Variants in IGSF10 observed in about 807,000 individuals in gnomAD.
IGSF10 encodes calvaria mechanical force protein 608.
Under a neutral mutation model 128.2 loss-of-function variants are expected in IGSF10, and 126 were observed. The ratio of observed to expected loss-of-function variants is 0.98; its 90% CI spans 0.85 to 1.14. The LOEUF (loss-of-function observed/expected upper bound fraction) is 1.14. IGSF10 is among the 50% of genes most tolerant of loss of function. The pLI, the probability that IGSF10 is intolerant of heterozygous loss-of-function variation, is 0.00. For synonymous variants in IGSF10, 1,185 were observed against 1,146.2 expected, an observed-to-expected ratio of 1.03 and a Z score of -0.68; for missense variants, 3,295 against 3,149.8, an observed-to-expected ratio of 1.05 and a Z score of -1.10.
chr3:151,513,810 A>T, the IGSF10 span, among the ~76,000 whole-genome samples: 5 of 152,328 alleles, frequency 3.3e-5, no homozygotes, highest in South Asian at 4.1e-4. Context: ...AATCACAAGC[A>T]TTCCTTTACA....
Position 151,437,173 on chromosome 3 carries a change from T to G in IGSF10, c.7388A>C (p.Asn2463Thr), listed in dbSNP as rs368245510. ...HCVSDGIPKP[N>T]IKWTMPSGYV... ...ACCACTTGGCATAGTCCATTTGATA[T>G]TTGGCTTAGGGATTCCATCAGACAC... Residue 2463 changes from asparagine (N) to threonine (T), a missense_variant, in exon 8 of 8, where the codon AAT (asparagine) becomes ACT (threonine). By Grantham distance (65) the Asn-to-Thr change is moderately conservative. Transcript: ENST00000282466. 17 of 1,614,086 alleles carry G rather than the reference T, an allele frequency of 1.1e-5. 1 individual carries two copies. In the African/African-American group the frequency reaches 1.1e-4, roughly 10 times the overall value.
the IGSF10 span, among the ~76,000 whole-genome samples, chr3:151,533,846 C>T: frequency 1.3e-5 from 2 of 152,158 alleles, no homozygotes; most frequent in Non-Finnish European, 2.9e-5. Flanking sequence ...GCAAAAGAAG[C>T]TATCATCAGA....
chr3:151,575,450 C>G, the IGSF10 span, among the ~76,000 whole-genome samples: 1 of 152,198 alleles, frequency 6.6e-6, no homozygotes, highest in Non-Finnish European at 1.5e-5. Flanking sequence ...CCTCCCCCAG[C>G]CTGGCTGCTG....
chr3:151,501,637 A>G, the IGSF10 span, among the ~76,000 whole-genome samples: 3 of 152,204 alleles, frequency 2.0e-5, no homozygotes, highest in East Asian at 5.8e-4. Context: ...TGGTTTGGCC[A>G]AAATGTGTGA....
the IGSF10 span, among the ~76,000 whole-genome samples, chr3:151,513,073 C>T: frequency 6.6e-6 from 1 of 152,070 alleles, no homozygotes; most frequent in African/African-American, 2.4e-5. Context: ...GAAACTATTC[C>T]AATCAATAGA....
chr3:151,575,085 T>C, the IGSF10 span, among the ~76,000 whole-genome samples: 28 of 152,318 alleles, frequency 1.8e-4, no homozygotes, highest in African/African-American at 6.5e-4. Flanking sequence ...AAAGCAATTA[T>C]TGCTGCCTGA....
Position 151,448,303 on chromosome 3 carries a change from C to G in IGSF10, c.1678G>C (p.Asp560His). 3.1e-6 allele frequency: 5 copies of G among 1,614,240 alleles called. No individual in the cohort carries two copies. Among genetic ancestry groups the G allele is most frequent in the Non-Finnish European group, 4.2e-6 (5 of 1,180,038 alleles). The stretch of plus-strand genomic sequence containing the variant: ...ACAGTTATCCTATAGGTGAGAATAT[C>G]TGCATCATCATAATTGCTGCTTATA... ...HCISSNYDDA[D>H]ILTYRITVVE... is the part of the protein sequence containing the mutation. The change falls in exon 6 of 8, where the codon GAT becomes CAT. Residue 560 changes from aspartate (D) to histidine (H), a missense_variant. Coordinates refer to ENST00000282466, the MANE Select transcript of IGSF10 (RefSeq NM_178822.5).
chr3:151,486,994 C>G, the IGSF10 span, among the ~76,000 whole-genome samples: 1 of 56,360 alleles, frequency 1.8e-5, no homozygotes, highest in African/African-American at 8.7e-5. Flanking sequence ...CCGAGCAGAA[C>G]TGAAGGAGAT....
chr3:151,528,894 C>T, the IGSF10 span, among the ~76,000 whole-genome samples: 1 of 147,786 alleles, frequency 6.8e-6, no homozygotes, highest in African/African-American at 2.5e-5. Context: ...AGCCAGGGAG[C>T]CAAGTGGTCT....
the IGSF10 span, among the ~76,000 whole-genome samples, chr3:151,482,769 A>G: frequency 2.0e-5 from 3 of 152,222 alleles, no homozygotes; most frequent in Non-Finnish European, 4.4e-5. Context: ...AAAGTCAAAG[A>G]CAAAAAGAAT....
rs754946545 is a variant in IGSF10, at chr3:151,438,230, C to T, written c.6331G>A (p.Val2111Ile). The T allele has an allele frequency of 6.2e-7, 1 of 1,614,136 alleles. No individual in the cohort carries two copies. Residue 2111 changes from valine (V) to isoleucine (I), a missense_variant, in exon 8 of 8, where the codon GTA (valine) becomes ATA (isoleucine). Coordinates refer to ENST00000282466, the MANE Select transcript of IGSF10 (RefSeq NM_178822.5). ...CAAGTATAATCTCCTTCCTCCGCTACCCCAACTTTGTTGAAGTATAAAGTT... is the reference window on the plus strand; with the variant it reads ...CAAGTATAATCTCCTTCCTCCGCTATCCCAACTTTGTTGAAGTATAAAGTT... The part of the protein sequence containing the change: ...NGTLYFNKVG[V>I]AEEGDYTCYA...
chr3:151,535,672 A>G, the IGSF10 span, among the ~76,000 whole-genome samples: 1 of 152,172 alleles, frequency 6.6e-6, no homozygotes, highest in Non-Finnish European at 1.5e-5. Flanking sequence ...AATTACATAT[A>G]TATAAAGTAT....
At chr3:151,503,836 G>T in the IGSF10 span, among the ~76,000 whole-genome samples, 1 of 152,154 alleles carries the variant, frequency 6.6e-6, no homozygotes, top group Non-Finnish European at 1.5e-5. Context: ...TGCTTGGTTA[G>T]ATAGGAGATA....
chr3:151,496,946 T>C, the IGSF10 span, among the ~76,000 whole-genome samples: 1 of 152,208 alleles, frequency 6.6e-6, no homozygotes, highest in African/African-American at 2.4e-5. Flanking sequence ...TGAGCATTTT[T>C]TCATGTGTCT....
the IGSF10 span, among the ~76,000 whole-genome samples, chr3:151,589,009 A>G: frequency 2.4e-4 from 37 of 152,360 alleles, no homozygotes; most frequent in Middle Eastern, 3.4e-3. Flanking sequence ...TTAGGAAGAT[A>G]TAATTTAGAA....
chr3:151,432,895 T>G, downstream of IGSF10: 3 of 954,738 alleles, frequency 3.1e-6, no homozygotes, highest in South Asian at 3.5e-5. Flanking sequence ...AAATGTCCCT[T>G]TTTTTCATTT....
upstream of IGSF10, among the ~76,000 whole-genome samples, chr3:151,463,523 G>GTTTTTTTTTTTTGTTTTTTTTTTTTT (rs1553837067): frequency 1.9e-4 from 6 of 31,290 alleles, 2 homozygotes; most frequent in Non-Finnish European, 3.2e-4. Flanking sequence ...ACATTTTCTG[G>GTTTTTTTTTTTTGTTTTTTTTTTTTT]TTTTTTTTTT....
At chr3:151,500,820 GGGA>G in the IGSF10 span, among the ~76,000 whole-genome samples, 1 of 152,008 alleles carries the variant, frequency 6.6e-6, no homozygotes, top group Admixed American at 6.6e-5. Context: ...TCAAACTCAA[GGGA>G]ACAACTAAGA....
chr3:151,500,503 G>A, the IGSF10 span, among the ~76,000 whole-genome samples: 13 of 152,090 alleles, frequency 8.5e-5, no homozygotes, highest in Admixed American at 7.9e-4. Flanking sequence ...TTAAATATAT[G>A]GCTCAATAAT....
Sources: allele counts gnomAD v4.1 joint callset (sites outside exome capture counted in the v4.1 genomes callset), GRCh38; gene constraint gnomAD v4.1.1; transcripts MANE v1.5; gene names NCBI Gene and HGNC (gene_info 2026-07-23, HGNC 2026-07-21).